The following ADCY9 variants were observed in gnomAD, a reference collection of about 807,000 sequenced individuals.
ADCY9 encodes the protein adenylate cyclase type 9.
ADCY9 carries 50 observed loss-of-function variants against 101.5 expected under a neutral mutation model. That is an observed-to-expected ratio of 0.49 (90% confidence interval 0.39 to 0.62). The LOEUF is 0.62. Ranked by LOEUF, ADCY9 falls within the 20% of genes least tolerant of loss-of-function variation. The pLI, the probability that ADCY9 is intolerant of heterozygous loss-of-function variation, is 0.00. For synonymous variants in ADCY9, 905 were observed against 769.3 expected, an observed-to-expected ratio of 1.18 and a Z score of -2.92; for missense variants, 1,662 against 1,800.4, an observed-to-expected ratio of 0.92 and a Z score of 1.39.
chr16:4,078,000 GA>G (rs34323189), intron 2 of ADCY9, among the ~76,000 whole-genome samples: 266 of 140,308 alleles, frequency 1.9e-3, no homozygotes, highest in East Asian at 9.5e-3. Flanking sequence ...CTCTGCTTCA[GA>G]AAAAAAAAAA....
chr16:4,032,762 T>G (rs2056564573), intron 2 of ADCY9: 1 of 152,266 alleles, frequency 6.6e-6, no homozygotes, highest in East Asian at 1.9e-4. Flanking sequence ...CCACCTGCCT[T>G]GGCTTCCCAA....
In ADCY9 at chr16:3,963,275, A is replaced by C; in HGVS notation, c.*2500T>G. The stretch of plus-strand genomic sequence containing the variant: ...TTCCTAAGAGGTATTGCCACCCTGA[A>C]GCACGACCCATGCCGTCAGCAGCCC... On this transcript the variant is annotated 3_prime_UTR_variant, in exon 11 of 11. Transcript: ENST00000294016. 2.5e-6 allele frequency: 1 copy of C among 398,652 alleles called. No homozygotes were observed. Among genetic ancestry groups the C allele is most frequent in the Non-Finnish European group, 4.4e-6 (1 of 225,928 alleles). The allele number at this position is 398,652 out of a possible 1,614,324, so 24.7% of individuals were successfully genotyped here. A position where few individuals can be genotyped will look rare whatever the true frequency, so the allele number is the denominator to read the frequency against.
intron 2 of ADCY9, among the ~76,000 whole-genome samples, chr16:4,066,072 G>A (rs1410056008): frequency 6.6e-6 from 1 of 152,196 alleles, no homozygotes; most frequent in Non-Finnish European, 1.5e-5. Context: ...AAGGAACAGG[G>A]GCGCTTCTTC....
chr16:3,979,556 C>T (rs563991615), intron 7 of ADCY9, among the ~76,000 whole-genome samples: 29 of 152,358 alleles, frequency 1.9e-4, no homozygotes, highest in Admixed American at 1.4e-3. Flanking sequence ...TAACAGAACA[C>T]GTGAGAGTAT....
At chr16:3,978,303 T>C (rs888041023) in intron 8 of ADCY9, among the ~76,000 whole-genome samples, 1 of 151,674 alleles carries the variant, frequency 6.6e-6, no homozygotes, top group Non-Finnish European at 1.5e-5. Flanking sequence ...GAGATGTGAT[T>C]TGGGGCTAAA....
At chr16:4,084,165 G>A (rs537623285) in intron 2 of ADCY9, among the ~76,000 whole-genome samples, 1 of 152,212 alleles carries the variant, frequency 6.6e-6, no homozygotes, top group East Asian at 1.9e-4. Context: ...AGGCTGGAAT[G>A]CAGTGGCACA....
intron 2 of ADCY9, among the ~76,000 whole-genome samples, chr16:4,048,482 T>C (rs1046847449): frequency 5.3e-5 from 8 of 152,148 alleles, no homozygotes; most frequent in African/African-American, 1.9e-4. Flanking sequence ...CAAAATAAAA[T>C]GGAGTTTATT....
chr16:4,017,552 G>T (rs1456237617), intron 2 of ADCY9, among the ~76,000 whole-genome samples: 1 of 151,230 alleles, frequency 6.6e-6, no homozygotes, highest in Non-Finnish European at 1.5e-5. Flanking sequence ...GCTGAGGCAG[G>T]AGGATCACTT....
At chr16:4,072,997 A>AAAG (rs1305878663) in intron 2 of ADCY9, among the ~76,000 whole-genome samples, 1 of 72,230 alleles carries the variant, frequency 1.4e-5, no homozygotes, top group Non-Finnish European at 3.9e-5. Context: ...CCTAAAAGAA[A>AAAG]AAAAAAAAAA....
At chr16:4,101,086 A>AT (rs1359571340) in intron 2 of ADCY9, among the ~76,000 whole-genome samples, 2 of 152,190 alleles carry the variant, frequency 1.3e-5, no homozygotes, top group Non-Finnish European at 2.9e-5. Context: ...ATTCTGTGAG[A>AT]TGGGTACTAG....
chr16:4,040,479 T>TA (rs1203798874), intron 2 of ADCY9, among the ~76,000 whole-genome samples: 4 of 147,874 alleles, frequency 2.7e-5, no homozygotes, highest in African/African-American at 1.0e-4. Context: ...TTTTTTGAGA[T>TA]AGAGTCTCGC....
chr16:3,974,677 C>T lies in ADCY9; in HGVS notation c.2862G>A (p.Gln954=). ...CAATATTAAAAGCTTACCTGAAATT[C>T]TGTACTGCGTCAAGGGGCGAAGTTA... ...SVLTSPLDAV[Q]NFSSERNPCN... is the part of the protein sequence containing the mutation. Residue 954 remains glutamine (Q), a synonymous_variant, in exon 10 of 11, where the codon CAG becomes CAA. Coordinates refer to ENST00000294016, the MANE Select transcript of ADCY9 (RefSeq NM_001116.4). The T allele has an allele frequency of 1.2e-6, 2 of 1,612,716 alleles. No homozygotes were observed. Among genetic ancestry groups the T allele is most frequent in the Non-Finnish European group, 1.7e-6 (2 of 1,178,924 alleles).
intron 2 of ADCY9, among the ~76,000 whole-genome samples, chr16:4,041,599 TG>T (rs2056627303): frequency 6.6e-6 from 1 of 151,652 alleles, no homozygotes; most frequent in Admixed American, 6.6e-5. Context: ...CATTTAACTC[TG>T]GAATCACAAA....
At chr16:4,042,781 C>T (rs143957045) in intron 2 of ADCY9, among the ~76,000 whole-genome samples, 120 of 152,346 alleles carry the variant, frequency 7.9e-4, no homozygotes, top group African/African-American at 2.8e-3. Flanking sequence ...TTTTTATTTA[C>T]AGTGTAGGAT....
chr16:3,979,920 G>A (rs935679261), intron 7 of ADCY9, among the ~76,000 whole-genome samples: 1 of 152,230 alleles, frequency 6.6e-6, no homozygotes, highest in African/African-American at 2.4e-5. Context: ...GACACACCCT[G>A]GATTTTCTTG....
At chr16:3,979,670 C>G (rs1386915270) in intron 7 of ADCY9, among the ~76,000 whole-genome samples, 1 of 152,234 alleles carries the variant, frequency 6.6e-6, no homozygotes, top group Non-Finnish European at 1.5e-5. Context: ...TTGGAGGCGT[C>G]CTGGAATTCT....
At chr16:4,097,553 A>ATATATATATATTTTTT (rs1382458827) in intron 2 of ADCY9, among the ~76,000 whole-genome samples, 3 of 53,416 alleles carry the variant, frequency 5.6e-5, no homozygotes, top group African/African-American at 8.6e-5. Flanking sequence ...ATATATATAT[A>ATATATATATATTTTTT]TTTTTTTTTT....
chr16:3,993,251 C>G (rs191363404), intron 4 of ADCY9, 155 bp downstream of exon 4: 26 of 1,348,052 alleles, frequency 1.9e-5, no homozygotes, highest in African/African-American at 4.4e-5. Flanking sequence ...AGCTCCCTGC[C>G]GGTCTCTTCA....
At chr16:3,973,328 C>A (rs1408423465) in intron 10 of ADCY9, among the ~76,000 whole-genome samples, 1 of 152,182 alleles carries the variant, frequency 6.6e-6, no homozygotes, top group African/African-American at 2.4e-5. Context: ...CTGCCTCAGC[C>A]TCCCAAGTGG....
Sources: gnomAD v4.1 joint callset for allele counts (sites outside exome capture counted in the v4.1 genomes callset) on GRCh38, gnomAD v4.1.1 for gene constraint, MANE v1.5 for transcripts, NCBI Gene and HGNC (gene_info 2026-07-23, HGNC 2026-07-21) for gene names.